CUEDC1: variants seen among roughly 807,000 people sequenced by gnomAD.
CUEDC1 encodes CUE domain containing 1.
In CUEDC1, 30 loss-of-function variants were observed where a neutral mutation model predicts 43.7. That is an observed-to-expected ratio of 0.69 (90% CI 0.51 to 0.93). CUEDC1 has a LOEUF of 0.93. Among genes scored for constraint, CUEDC1 ranks in the 40% least tolerant of loss-of-function variants. CUEDC1 has a pLI of 0.00. For synonymous variants in CUEDC1, 223 were observed against 223.6 expected (o/e 1.00, Z 0.02); for missense variants, 486 against 549.0 (o/e 0.89, Z 1.15).
At chr17:57,922,582 G>A (rs940445618) in intron 1 of CUEDC1, 6 of 152,164 alleles carry the variant, frequency 3.9e-5, no homozygotes, top group Admixed American at 3.9e-4. Flanking sequence ...GGCAAAAGAA[G>A]CCTCGGGGCA....
chr17:57,937,658 C>T (rs2074874975), intron 1 of CUEDC1, among the ~76,000 whole-genome samples: 1 of 150,674 alleles, frequency 6.6e-6, no homozygotes. Flanking sequence ...AGGCTGGGCA[C>T]AGTGGCTCCT....
chr17:57,922,564 A>C (rs373872913), intron 1 of CUEDC1: 2 of 152,206 alleles, frequency 1.3e-5, no homozygotes, highest in Non-Finnish European at 2.9e-5. Flanking sequence ...TCATTACAGT[A>C]AAGTAATGGC....
intron 2 of CUEDC1, among the ~76,000 whole-genome samples, chr17:57,882,051 T>C (rs1318561210): frequency 6.6e-6 from 1 of 152,184 alleles, no homozygotes; most frequent in Non-Finnish European, 1.5e-5. Flanking sequence ...CCTCCTGGCT[T>C]AACTCATTGT....
intron 1 of CUEDC1, among the ~76,000 whole-genome samples, chr17:57,926,020 C>T (rs899659726): frequency 6.6e-6 from 1 of 152,228 alleles, no homozygotes; most frequent in African/African-American, 2.4e-5. Context: ...GGGAAGTCCT[C>T]ATCCTAGGGT....
intron 1 of CUEDC1, among the ~76,000 whole-genome samples, chr17:57,919,859 T>C (rs1233180964): frequency 6.6e-6 from 1 of 152,188 alleles, no homozygotes; most frequent in African/African-American, 2.4e-5. Context: ...TAAAAGTGCC[T>C]CAGCACAAAC....
intron 1 of CUEDC1, among the ~76,000 whole-genome samples, chr17:57,909,930 A>G (rs185203936): frequency 1.8e-4 from 28 of 152,380 alleles, no homozygotes; most frequent in Admixed American, 3.9e-4. Flanking sequence ...GGCTGAGGAA[A>G]TAACCGAAAG....
At position 57,897,204 on chromosome 17, in the gene CUEDC1, C is replaced by G. The variant is rs143543735; in HGVS notation, c.-315-11325G>C. On this transcript the variant is annotated intron_variant, in intron 1 of 10. Transcript: ENST00000577830. ...TGGCATGCATTATCTCATCAAATCC[C>G]CACAGTACAGCAATGAATACATCCA... Among the ~76,000 whole-genome samples, 185 of 152,208 alleles carry G rather than the reference C, an allele frequency of 1.2e-3. 2 individuals are homozygous for G. Among genetic ancestry groups the G allele is most frequent in the African/African-American group, 4.2e-3 (175 of 41,528 alleles).
At chr17:57,951,112 C>T (rs1463038244) in intron 1 of CUEDC1, among the ~76,000 whole-genome samples, 2 of 151,486 alleles carry the variant, frequency 1.3e-5, no homozygotes, top group Non-Finnish European at 1.5e-5. Flanking sequence ...CCCACCCCCT[C>T]CCACTCTTCC....
At position 57,935,335 on chromosome 17, in the gene CUEDC1, C is replaced by T. The variant is rs139776491; in HGVS notation, c.-316+19890G>A. Reference sequence around the variant, plus strand: ...GAAGGCTTCCATCCTGAGTGACCAGCGTGACAGTGATTTTTTTTTTTAAGC... The same window carrying T: ...GAAGGCTTCCATCCTGAGTGACCAGTGTGACAGTGATTTTTTTTTTTAAGC... On this transcript the variant is annotated intron_variant, in intron 1 of 10. Transcript: ENST00000577830. Among the ~76,000 whole-genome samples the T allele has an allele frequency of 5.5e-4, 82 of 150,202 alleles. 1 individual carries two copies. The highest frequency in any genetic ancestry group is 1.9e-3 in the African/African-American group (80 of 41,128).
intron 1 of CUEDC1, among the ~76,000 whole-genome samples, chr17:57,928,366 G>A (rs138700474): frequency 4.1e-4 from 61 of 148,434 alleles, no homozygotes; most frequent in African/African-American, 1.3e-3. Context: ...TGGCTAACAC[G>A]GTGAAACCCC....
At chr17:57,914,020 T>A (rs2074612438) in intron 1 of CUEDC1, among the ~76,000 whole-genome samples, 1 of 152,172 alleles carries the variant, frequency 6.6e-6, no homozygotes, top group Admixed American at 6.5e-5. Flanking sequence ...GCAGCACTAG[T>A]CACATGTTCT....
intron 1 of CUEDC1, among the ~76,000 whole-genome samples, chr17:57,919,087 A>G (rs1446025231): frequency 6.6e-6 from 1 of 152,156 alleles, no homozygotes; most frequent in East Asian, 1.9e-4. Flanking sequence ...TCCTGACTCC[A>G]AGTGATCCTC....
chr17:57,915,515 A>G (rs1038586458), intron 1 of CUEDC1, among the ~76,000 whole-genome samples: 2 of 152,180 alleles, frequency 1.3e-5, no homozygotes, highest in Non-Finnish European at 2.9e-5. Context: ...GAGTTTGCCA[A>G]TGTCATCAAT....
chr17:57,864,466 G>C (rs764030298), intron 10 of CUEDC1, among the ~76,000 whole-genome samples: 11 of 152,148 alleles, frequency 7.2e-5, no homozygotes, highest in Non-Finnish European at 1.2e-4. Flanking sequence ...AGCCAGGAGA[G>C]AGGAAGGAGA....
chr17:57,905,849 A>G (rs926438203), intron 1 of CUEDC1, among the ~76,000 whole-genome samples: 5 of 152,224 alleles, frequency 3.3e-5, no homozygotes, highest in Admixed American at 6.5e-5. Context: ...CCTAAAAGGA[A>G]GGGTTGTGTG....
intron 1 of CUEDC1, among the ~76,000 whole-genome samples, chr17:57,900,970 T>C (rs1168599070): frequency 6.6e-6 from 1 of 152,212 alleles, no homozygotes; most frequent in Non-Finnish European, 1.5e-5. Context: ...CCTGAGGTGT[T>C]TGCTAAGAAC....
intron 1 of CUEDC1, among the ~76,000 whole-genome samples, chr17:57,935,524 G>A (rs930632413): frequency 2.6e-5 from 4 of 152,124 alleles, no homozygotes; most frequent in African/African-American, 9.7e-5. Flanking sequence ...ATATGCCTGG[G>A]GCCGGGGTGA....
chr17:57,878,646 G>A (rs1318980946), intron 3 of CUEDC1, among the ~76,000 whole-genome samples: 2 of 136,856 alleles, frequency 1.5e-5, no homozygotes, highest in Non-Finnish European at 3.1e-5. Context: ...CAACTACCTT[G>A]ATTATTTATT....
intron 2 of CUEDC1, among the ~76,000 whole-genome samples, chr17:57,883,342 G>A (rs892615310): frequency 2.6e-4 from 40 of 152,322 alleles, no homozygotes; most frequent in African/African-American, 7.9e-4. Flanking sequence ...CACTAAGGAG[G>A]AAAAGCAAGG....
Sources: gnomAD v4.1 joint callset for allele counts (sites outside exome capture counted in the v4.1 genomes callset) on GRCh38, gnomAD v4.1.1 for gene constraint, MANE v1.5 for transcripts, NCBI Gene and HGNC (gene_info 2026-07-23, HGNC 2026-07-21) for gene names.